Variants in PARD3 observed in about 807,000 individuals in gnomAD.
PARD3 encodes the protein partitioning defective 3 homolog.
PARD3 carries 75 observed loss-of-function variants against 155.4 expected under a neutral mutation model. The ratio of observed to expected loss-of-function variants is 0.48; its 90% CI spans 0.40 to 0.58. The LOEUF (loss-of-function observed/expected upper bound fraction) is 0.58. PARD3 is among the 20% of genes least tolerant of loss of function. The probability of loss-of-function intolerance (pLI) is 0.00; values close to 1 mark genes in which losing one functional copy is unlikely to be tolerated. For synonymous variants in PARD3, 576 were observed against 610.5 expected (o/e 0.94, Z 0.83); for missense variants, 1,642 against 1,721.7 (o/e 0.95, Z 0.82).
intron 2 of PARD3, among the ~76,000 whole-genome samples, chr10:34,551,438 A>G (rs2084549751): frequency 6.6e-6 from 1 of 152,154 alleles, no homozygotes; most frequent in African/African-American, 2.4e-5. Context: ...ATGAACACAA[A>G]TAACAGATTC....
intron 22 of PARD3, among the ~76,000 whole-genome samples, chr10:34,172,455 T>C (rs1348895429): frequency 6.6e-6 from 1 of 152,116 alleles, no homozygotes; most frequent in African/African-American, 2.4e-5. Flanking sequence ...AATGGAACAC[T>C]AAAGGCTTAA....
At chr10:34,132,843 C>T (rs1324116069) in intron 22 of PARD3, among the ~76,000 whole-genome samples, 2 of 152,084 alleles carry the variant, frequency 1.3e-5, no homozygotes, top group Non-Finnish European at 2.9e-5. Flanking sequence ...AAACTGCAAA[C>T]CCCAGGCTCC....
chr10:34,200,376 G>A (rs988371723), intron 22 of PARD3, among the ~76,000 whole-genome samples: 3 of 152,170 alleles, frequency 2.0e-5, no homozygotes, highest in Non-Finnish European at 4.4e-5. Context: ...ATTGGGGGAT[G>A]GCTGATATTT....
intron 20 of PARD3, among the ~76,000 whole-genome samples, chr10:34,287,134 A>G (rs531514491): frequency 1.3e-5 from 2 of 152,324 alleles, no homozygotes; most frequent in African/African-American, 4.8e-5. Context: ...GTCAGCAGAC[A>G]GCATTTAAAG....
intron 3 of PARD3, among the ~76,000 whole-genome samples, chr10:34,502,712 A>G (rs980247762): frequency 6.6e-6 from 1 of 152,140 alleles, no homozygotes; most frequent in Admixed American, 6.6e-5. Flanking sequence ...AGGCTCAGAG[A>G]GAGGATTACT....
At chr10:34,259,849 C>A (rs915222024) in intron 22 of PARD3, among the ~76,000 whole-genome samples, 8 of 152,008 alleles carry the variant, frequency 5.3e-5, no homozygotes, top group Non-Finnish European at 1.2e-4. Context: ...TCATTTATCG[C>A]CCAGGTTGGA....
At chr10:34,665,865 C>G (rs1055218742) in intron 2 of PARD3, among the ~76,000 whole-genome samples, 62 of 146,104 alleles carry the variant, frequency 4.2e-4, no homozygotes, top group African/African-American at 1.6e-3. Flanking sequence ...CAGAACAGAA[C>G]AGAACAGAAC....
intron 21 of PARD3, among the ~76,000 whole-genome samples, chr10:34,270,399 T>A (rs1305486683): frequency 6.6e-6 from 1 of 152,126 alleles, no homozygotes; most frequent in Non-Finnish European, 1.5e-5. Flanking sequence ...TGCCTCAGCC[T>A]CCCAAAGTGC....
At chr10:34,119,574 G>A in intron 24 of PARD3, 39 bp downstream of exon 24, 1 of 1,569,704 alleles carries the variant, frequency 6.4e-7, no homozygotes, top group Non-Finnish European at 8.7e-7. Flanking sequence ...ATCTTAAAGG[G>A]CCGGGGGGAT....
intron 21 of PARD3, among the ~76,000 whole-genome samples, chr10:34,281,776 G>C (rs892826973): frequency 2.6e-5 from 4 of 152,002 alleles, no homozygotes; most frequent in Admixed American, 2.0e-4. Flanking sequence ...GATGTACACA[G>C]GCAAAAAAAG....
At chr10:34,713,416 G>C (rs2094474570) in intron 1 of PARD3, among the ~76,000 whole-genome samples, 1 of 151,952 alleles carries the variant, frequency 6.6e-6, no homozygotes, top group Non-Finnish European at 1.5e-5. Flanking sequence ...AACAATCTAA[G>C]ACGCATTCCA....
chr10:34,479,254 C>T lies in PARD3; in HGVS notation c.404-8991G>A, dbSNP rs371335351. Reference sequence around the variant, plus strand: ...TTGGCTCACTGCAAGCTCCACCTCCCGGGTTCACGCCATTCTCCTGCCTCA... The same window carrying T: ...TTGGCTCACTGCAAGCTCCACCTCCTGGGTTCACGCCATTCTCCTGCCTCA... On this transcript the variant is annotated intron_variant, in intron 3 of 24. Transcript: ENST00000374788. 4.6e-5 allele frequency among the ~76,000 whole-genome samples: 7 copies of T among 151,720 alleles called. No individual in the cohort carries two copies. In the East Asian group the frequency reaches 7.8e-4, roughly 17 times the overall value.
chr10:34,492,350 C>G (rs1165706484), intron 3 of PARD3, among the ~76,000 whole-genome samples: 1 of 152,128 alleles, frequency 6.6e-6, no homozygotes, highest in African/African-American at 2.4e-5. Context: ...CACTTCAAAA[C>G]ACCGATTCAA....
chr10:34,465,284 T>C (rs1246419565), intron 4 of PARD3, among the ~76,000 whole-genome samples: 1 of 152,016 alleles, frequency 6.6e-6, no homozygotes, highest in African/African-American at 2.4e-5. Context: ...TTCATTACCG[T>C]ACATATGCAA....
chr10:34,486,989 T>C (rs2079520244), intron 3 of PARD3, among the ~76,000 whole-genome samples: 1 of 152,130 alleles, frequency 6.6e-6, no homozygotes, highest in African/African-American at 2.4e-5. Context: ...CAAGTCATCC[T>C]CTACAAAGCA....
At chr10:34,660,187 A>G (rs977797102) in intron 2 of PARD3, among the ~76,000 whole-genome samples, 1 of 152,136 alleles carries the variant, frequency 6.6e-6, no homozygotes, top group African/African-American at 2.4e-5. Flanking sequence ...ATTACATGCA[A>G]TTTTTCCCCT....
chr10:34,419,715 A>G (rs563340000), intron 5 of PARD3, among the ~76,000 whole-genome samples: 2 of 152,252 alleles, frequency 1.3e-5, no homozygotes, highest in South Asian at 4.1e-4. Context: ...AAAATACAAT[A>G]TTTCACCCTA....
intron 1 of PARD3, among the ~76,000 whole-genome samples, chr10:34,775,139 A>G (rs561306560): frequency 1.3e-5 from 2 of 152,352 alleles, no homozygotes; most frequent in South Asian, 4.1e-4. Context: ...AGAACCCAAT[A>G]TTTCAAGCTC....
chr10:34,149,566 GTA>G (rs1458920217), intron 22 of PARD3, among the ~76,000 whole-genome samples: 1 of 152,048 alleles, frequency 6.6e-6, no homozygotes, highest in African/African-American at 2.4e-5. Context: ...CTTCTATAAT[GTA>G]TATAGACTTC....
Sources: gnomAD v4.1 joint callset for allele counts (sites outside exome capture counted in the v4.1 genomes callset) on GRCh38, gnomAD v4.1.1 for gene constraint, MANE v1.5 for transcripts, NCBI Gene and HGNC (gene_info 2026-07-23, HGNC 2026-07-21) for gene names.